The following SNTG2 variants were observed in gnomAD, a reference collection of about 807,000 sequenced individuals.
SNTG2 encodes gamma-2-syntrophin.
Under a neutral mutation model 70.9 loss-of-function variants are expected in SNTG2, and 74 were observed. That is an observed-to-expected ratio of 1.04 (90% CI 0.86 to 1.27). The LOEUF is 1.27. SNTG2 is among the 50% of genes most tolerant of loss of function. SNTG2 has a pLI of 0.00. For synonymous variants in SNTG2, 278 were observed against 273.8 expected, an observed-to-expected ratio of 1.02 and a Z score of -0.15; for missense variants, 717 against 690.7, an observed-to-expected ratio of 1.04 and a Z score of -0.43.
At chr2:1,320,985 T>C (rs986703239) in intron 16 of SNTG2, among the ~76,000 whole-genome samples, 2 of 152,228 alleles carry the variant, frequency 1.3e-5, no homozygotes, top group Non-Finnish European at 2.9e-5. Context: ...ATATTCAGCA[T>C]GAGGGTCAGC....
At chr2:1,295,926 G>C (rs1269145546) in intron 14 of SNTG2, among the ~76,000 whole-genome samples, 1 of 150,432 alleles carries the variant, frequency 6.6e-6, no homozygotes, top group Non-Finnish European at 1.5e-5. Flanking sequence ...GGGTGGGAGG[G>C]TGAGGCAGAC....
At chr2:1,139,208 G>T (rs1668590387) in intron 6 of SNTG2, among the ~76,000 whole-genome samples, 1 of 152,026 alleles carries the variant, frequency 6.6e-6, no homozygotes, top group Non-Finnish European at 1.5e-5. Flanking sequence ...GTGAGCAACA[G>T]TTTTTTTGTT....
intron 6 of SNTG2, among the ~76,000 whole-genome samples, chr2:1,158,155 G>A (rs1338344023): frequency 6.6e-6 from 1 of 152,122 alleles, no homozygotes; most frequent in Admixed American, 6.5e-5. Context: ...CAGTATGTAA[G>A]GATACTTGAA....
chr2:1,227,556 T>A (rs1031795062), intron 9 of SNTG2, among the ~76,000 whole-genome samples: 3 of 152,218 alleles, frequency 2.0e-5, no homozygotes, highest in Admixed American at 2.0e-4. Flanking sequence ...CGAATCCGTT[T>A]CCCCACGGTA....
intron 13 of SNTG2, chr2:1,262,718 CTCCGTCCAGACGAGGCAACCG>C (rs1436679600): frequency 9.8e-6 from 1 of 102,176 alleles, no homozygotes; most frequent in Non-Finnish European, 2.6e-5. Context: ...AACCGGAAGG[CTCCGTCCAGACGAGGCAACCG>C]GAAGGCTCCG....
intron 1 of SNTG2, among the ~76,000 whole-genome samples, chr2:986,449 C>G (rs1272508197): frequency 6.6e-6 from 1 of 152,180 alleles, no homozygotes; most frequent in South Asian, 2.1e-4. Context: ...TGCTGATTTA[C>G]CTAAATAGGA....
rs565122767 is a variant in SNTG2, at chr2:1,091,628, C to T, written c.211-6568C>T. On this transcript the variant is annotated intron_variant, in intron 2 of 16. Coordinates refer to ENST00000308624, the MANE Select transcript of SNTG2 (RefSeq NM_018968.4). ...CCGCCAAGGGCAGCTTTTGTCATTC[C>T]TGGCCTGTGCTTAGACCTGAAGAAA... Among the ~76,000 whole-genome samples, 218 of 152,294 alleles carry T rather than the reference C, an allele frequency of 1.4e-3. 3 individuals carry two copies. Among genetic ancestry groups the T allele is most frequent in the African/African-American group, 5.2e-3 (216 of 41,564 alleles).
chr2:1,141,314 G>A (rs1355864599), intron 6 of SNTG2, among the ~76,000 whole-genome samples: 4 of 152,192 alleles, frequency 2.6e-5, no homozygotes, highest in Non-Finnish European at 4.4e-5. Context: ...GAATGAGTAC[G>A]TTCTGGCTTC....
chr2:1,239,797 T>A, intron 11 of SNTG2, 21 bp downstream of exon 11: 1 of 1,611,972 alleles, frequency 6.2e-7, no homozygotes. Flanking sequence ...TATTTTCTGC[T>A]TCATGATGTA....
At chr2:1,144,220 TGA>T (rs1668952539) in intron 6 of SNTG2, among the ~76,000 whole-genome samples, 1 of 151,980 alleles carries the variant, frequency 6.6e-6, no homozygotes, top group African/African-American at 2.4e-5. Context: ...CTTTCTGCTT[TGA>T]GAAGGGAAAT....
chr2:1,208,591 G>T (rs542671009), intron 8 of SNTG2, among the ~76,000 whole-genome samples: 7 of 152,002 alleles, frequency 4.6e-5, no homozygotes, highest in Non-Finnish European at 1.0e-4. Context: ...GTCGAGAGCC[G>T]CAGACCCGAC....
intron 1 of SNTG2, among the ~76,000 whole-genome samples, chr2:1,019,362 G>A (rs962725021): frequency 1.3e-5 from 2 of 152,122 alleles, no homozygotes; most frequent in South Asian, 2.1e-4. Context: ...CCTGATTCAC[G>A]TGGCAATGTC....
Position 969,094 on chromosome 2 carries a change from A to G in SNTG2, c.72+18026A>G, listed in dbSNP as rs376042514. Among the ~76,000 whole-genome samples, 3 of 152,312 alleles carry G rather than the reference A, an allele frequency of 2.0e-5. No individual in the cohort carries two copies. In the South Asian group the frequency reaches 6.2e-4, roughly 32 times the overall value. ...ATCTTCTCCATATGGCAAGTCAGTT[A>G]TCACCAGCTCCATTTATTGAATTGG... On this transcript the variant is annotated intron_variant, in intron 1 of 16. Coordinates refer to ENST00000308624, the MANE Select transcript of SNTG2 (RefSeq NM_018968.4).
At chr2:1,329,274 C>A (rs536892824) in intron 16 of SNTG2, among the ~76,000 whole-genome samples, 20 of 152,124 alleles carry the variant, frequency 1.3e-4, no homozygotes, top group Middle Eastern at 3.4e-3. Context: ...ACAACAACAA[C>A]AAAAAATGTC....
chr2:1,087,576 T>C (rs1165818348), intron 2 of SNTG2, among the ~76,000 whole-genome samples: 1 of 152,116 alleles, frequency 6.6e-6, no homozygotes, highest in Non-Finnish European at 1.5e-5. Flanking sequence ...ATATGTATCT[T>C]TACAACTGTG....
At chr2:1,318,647 G>A (rs138847196) in intron 16 of SNTG2, among the ~76,000 whole-genome samples, 3 of 152,364 alleles carry the variant, frequency 2.0e-5, no homozygotes, top group South Asian at 2.1e-4. Context: ...TGGGAACGCG[G>A]AGAGAGAGGC....
intron 16 of SNTG2, among the ~76,000 whole-genome samples, chr2:1,338,007 A>G (rs185044239): frequency 0.013 from 1,909 of 152,266 alleles, 19 homozygotes; most frequent in Middle Eastern, 0.02. Context: ...ACAGACTTAC[A>G]TGGCACCACA....
intron 16 of SNTG2, among the ~76,000 whole-genome samples, chr2:1,323,884 AT>A (rs1681650901): frequency 6.8e-6 from 1 of 147,944 alleles, no homozygotes; most frequent in Non-Finnish European, 1.5e-5. Flanking sequence ...CCACCCAGTA[AT>A]GTGGGACATG....
chr2:1,191,942 T>C (rs939865947), intron 8 of SNTG2, among the ~76,000 whole-genome samples: 2 of 152,070 alleles, frequency 1.3e-5, no homozygotes, highest in Admixed American at 6.6e-5. Flanking sequence ...ATATTTAAAA[T>C]GTAGCTGATA....
Sources: allele counts gnomAD v4.1 joint callset (sites outside exome capture counted in the v4.1 genomes callset), GRCh38; gene constraint gnomAD v4.1.1; transcripts MANE v1.5; gene names NCBI Gene and HGNC (gene_info 2026-07-23, HGNC 2026-07-21).